SND1: variants seen among roughly 807,000 people sequenced by gnomAD.
SND1 encodes the protein staphylococcal nuclease and tudor domain containing 1.
A neutral mutation model predicts 121.7 loss-of-function variants in SND1; 38 were observed. The observed-to-expected ratio is 0.31, with a 90% CI of 0.24 to 0.41. The LOEUF is 0.41. Among genes scored for constraint, SND1 ranks in the 10% least tolerant of loss-of-function variants. SND1 has a pLI of 1.00. For synonymous variants in SND1, 401 were observed against 447.4 expected (o/e 0.90, Z 1.31); for missense variants, 868 against 1,184.6 (o/e 0.73, Z 3.92).
intron 15 of SND1, among the ~76,000 whole-genome samples, chr7:127,959,324 T>G (rs1010854005): frequency 1.3e-5 from 2 of 152,224 alleles, no homozygotes; most frequent in African/African-American, 4.8e-5. Flanking sequence ...TGCAGTCATT[T>G]TTATATACAC....
In SND1 at chr7:128,065,463, A is replaced by G. The variant is rs116944354; in HGVS notation, c.1780-9039A>G. Among the ~76,000 whole-genome samples, 41 of 152,362 alleles carry G rather than the reference A, an allele frequency of 2.7e-4. 1 individual carries two copies. In the East Asian group the frequency reaches 7.3e-3, roughly 27 times the overall value. ...CACAGCAGGCCTTGAGGTCAGTTAT[A>G]TAGGTACAGGTACCTGCAGAGGGGA... On this transcript the variant is annotated intron_variant, in intron 16 of 23. Coordinates refer to ENST00000354725, the MANE Select transcript of SND1 (RefSeq NM_014390.4).
chr7:128,021,278 G>A (rs949718498), intron 16 of SND1, among the ~76,000 whole-genome samples: 1 of 152,338 alleles, frequency 6.6e-6, no homozygotes, highest in East Asian at 1.9e-4. Flanking sequence ...GCAGAAACAG[G>A]CTGTTAGTAT....
chr7:127,776,009 G>A (rs913671372), intron 10 of SND1, among the ~76,000 whole-genome samples: 4 of 152,102 alleles, frequency 2.6e-5, no homozygotes, highest in East Asian at 1.9e-4. Context: ...ACCCACCAAC[G>A]TCCATGTTAA....
At chr7:127,925,261 C>T (rs1156698322) in intron 14 of SND1, among the ~76,000 whole-genome samples, 1 of 152,062 alleles carries the variant, frequency 6.6e-6, no homozygotes, top group Admixed American at 6.5e-5. Flanking sequence ...GCAACAACAA[C>T]AAAAAAAGAC....
intron 14 of SND1, among the ~76,000 whole-genome samples, chr7:127,914,304 AT>A (rs1473922331): frequency 1.3e-5 from 2 of 152,110 alleles, no homozygotes; most frequent in East Asian, 3.8e-4. Context: ...GTTAATTAGC[AT>A]TTGTTGAATC....
At chr7:127,724,834 C>T (rs2116396484) in intron 10 of SND1, among the ~76,000 whole-genome samples, 1 of 152,160 alleles carries the variant, frequency 6.6e-6, no homozygotes, top group Admixed American at 6.5e-5. Context: ...TGACCAAAGA[C>T]CTGGAAAATG....
rs114180929 is a variant in SND1, at chr7:127,776,575, A to G, written c.1153-30909A>G. 7.9e-3 allele frequency among the ~76,000 whole-genome samples: 1,207 copies of G among 152,346 alleles called. 18 individuals carry two copies. The highest frequency in any genetic ancestry group is 0.027 in the African/African-American group (1,128 of 41,574). On this transcript the variant is annotated intron_variant, in intron 10 of 23. Coordinates refer to ENST00000354725, the MANE Select transcript of SND1 (RefSeq NM_014390.4). Reference sequence around the variant, plus strand: ...AAGATACAACTTTATAGCCAATAAAATAGTTCCTCTTATTTAAAACTAATC... The same window carrying G: ...AAGATACAACTTTATAGCCAATAAAGTAGTTCCTCTTATTTAAAACTAATC...
chr7:127,888,041 G>C, intron 13 of SND1, 29 bp downstream of exon 13: 1 of 1,500,176 alleles, frequency 6.7e-7, no homozygotes, highest in Non-Finnish European at 9.3e-7. Context: ...AAACACATGG[G>C]GAACCCACAC....
intron 1 of SND1, among the ~76,000 whole-genome samples, chr7:127,673,686 G>C (rs550877130): frequency 1.3e-5 from 2 of 152,248 alleles, no homozygotes; most frequent in South Asian, 2.1e-4. Context: ...ACATTTATTA[G>C]TTGTTTTTCA....
At chr7:127,795,542 A>G (rs886804329) in intron 10 of SND1, among the ~76,000 whole-genome samples, 15 of 152,162 alleles carry the variant, frequency 9.9e-5, no homozygotes, top group African/African-American at 3.6e-4. Context: ...ATGGTATTAT[A>G]TGTGTTCTGT....
chr7:127,993,543 T>C lies in SND1; in HGVS notation c.1779+2487T>C, dbSNP rs182255372. Among the ~76,000 whole-genome samples, 8 of 152,364 alleles carry C rather than the reference T, an allele frequency of 5.3e-5. No homozygotes were observed. In the East Asian group the frequency reaches 1.5e-3, roughly 29 times the overall value. On this transcript the variant is annotated intron_variant, in intron 16 of 23. Transcript: ENST00000354725. ...CTATCTTGCCCACAGTGCACGACAG[T>C]GCAGGAACTCTCCTGGAGCTGAGCC...
At chr7:127,754,043 T>C (rs973268675) in intron 10 of SND1, among the ~76,000 whole-genome samples, 2 of 152,164 alleles carry the variant, frequency 1.3e-5, no homozygotes, top group African/African-American at 4.8e-5. Flanking sequence ...CAATTAGAAG[T>C]GAATTGGAAC....
chr7:127,829,644 C>G (rs1288882768), intron 11 of SND1, among the ~76,000 whole-genome samples: 3 of 152,142 alleles, frequency 2.0e-5, no homozygotes, highest in Non-Finnish European at 4.4e-5. Context: ...ATTATAGCTG[C>G]AGTCTCAAAA....
chr7:127,928,883 G>A lies in SND1; in HGVS notation c.1528-305G>A, dbSNP rs568558903. On this transcript the variant is annotated intron_variant, in intron 14 of 23. Transcript: ENST00000354725. The stretch of plus-strand genomic sequence containing the variant: ...TGGGATTGCAGGCGTGAGCCACTGC[G>A]CCTGGCACCTCAATTTTGTGTTAAA... 1.2e-4 allele frequency among the ~76,000 whole-genome samples: 19 copies of A among 152,252 alleles called. No homozygotes were observed. The South Asian group carries it at 3.1e-3, about 25-fold the overall frequency.
intron 12 of SND1, among the ~76,000 whole-genome samples, chr7:127,879,653 C>A (rs960524489): frequency 1.7e-4 from 26 of 152,164 alleles, no homozygotes; most frequent in African/African-American, 5.5e-4. Context: ...AATATCGGAA[C>A]TCTGTCGCCT....
chr7:127,869,917 A>G lies in SND1; in HGVS notation c.1344-17985A>G, dbSNP rs541739106. Among the ~76,000 whole-genome samples the G allele has an allele frequency of 5.9e-5, 9 of 152,210 alleles. 1 individual carries two copies. In the South Asian group the frequency reaches 1.9e-3, roughly 32 times the overall value. On this transcript the variant is annotated intron_variant, in intron 12 of 23. Coordinates refer to ENST00000354725, the MANE Select transcript of SND1 (RefSeq NM_014390.4). Reference sequence around the variant, plus strand: ...GAATCATAATATGTGATTCTGTGAGATGGGCTTTTTAAATTTAGCATAATG... The same window carrying G: ...GAATCATAATATGTGATTCTGTGAGGTGGGCTTTTTAAATTTAGCATAATG...
chr7:128,027,076 A>T (rs1803496053), intron 16 of SND1: 1 of 152,556 alleles, frequency 6.6e-6, no homozygotes, highest in South Asian at 2.1e-4. Flanking sequence ...TTGAATTAAA[A>T]ATTCAACAAT....
intron 16 of SND1, among the ~76,000 whole-genome samples, chr7:128,071,760 CTTTG>C (rs541169196): frequency 1.1e-3 from 173 of 152,274 alleles, no homozygotes; most frequent in African/African-American, 3.9e-3. Flanking sequence ...CCCCGAGTGC[CTTTG>C]TTTGATTGAG....
intron 16 of SND1, among the ~76,000 whole-genome samples, chr7:128,064,560 C>T (rs1243245261): frequency 6.6e-6 from 1 of 152,136 alleles, no homozygotes; most frequent in Non-Finnish European, 1.5e-5. Flanking sequence ...GGTGGAAGAA[C>T]AGGTTTCATA....
Sources: gnomAD v4.1 joint callset for allele counts (sites outside exome capture counted in the v4.1 genomes callset) on GRCh38, gnomAD v4.1.1 for gene constraint, MANE v1.5 for transcripts, NCBI Gene and HGNC (gene_info 2026-07-23, HGNC 2026-07-21) for gene names.